The following CADPS variants were observed in gnomAD, a reference collection of about 807,000 sequenced individuals.
CADPS encodes the protein calcium dependent secretion activator.
A neutral mutation model predicts 167.3 loss-of-function variants in CADPS; 57 were observed. The ratio of observed to expected loss-of-function variants is 0.34; its 90% CI spans 0.28 to 0.42. The LOEUF is 0.42. Among genes scored for constraint, CADPS ranks in the 20% least tolerant of loss-of-function variants. The probability of loss-of-function intolerance (pLI) is 1.00; values close to 1 mark genes in which losing one functional copy is unlikely to be tolerated. For missense variants in CADPS, 1,414 were observed against 1,738.1 expected, an observed-to-expected ratio of 0.81 and a Z score of 3.32; for synonymous variants, 676 against 635.3, an observed-to-expected ratio of 1.06 and a Z score of -0.96.
intron 28 of CADPS, among the ~76,000 whole-genome samples, chr3:62,422,597 A>C (rs13319010): frequency 0.057 from 8,662 of 152,172 alleles, 376 homozygotes; most frequent in African/African-American, 0.12. Context: ...TAAATCAAGA[A>C]AGGACTTTGG....
chr3:62,713,484 T>A (rs535067565), intron 3 of CADPS, among the ~76,000 whole-genome samples: 4 of 152,340 alleles, frequency 2.6e-5, no homozygotes, highest in East Asian at 1.9e-4. Context: ...AGTGGCCAAC[T>A]TTTTCTAGAA....
At chr3:62,462,574 T>C (rs6764367) in intron 26 of CADPS, among the ~76,000 whole-genome samples, 25,571 of 152,154 alleles carry the variant, frequency 0.17, 4,042 homozygotes, top group African/African-American at 0.42. Context: ...CCTTGGCAGC[T>C]CTGCTGAGGT....
In CADPS at chr3:62,412,999, TGAG is replaced by T. The variant is rs2049269730; in HGVS notation, c.3778-9817_3778-9815del. Among the ~76,000 whole-genome samples, 1 of 152,010 alleles carries T rather than the reference TGAG, an allele frequency of 6.6e-6. No homozygotes were observed. The highest frequency in any genetic ancestry group is 6.6e-5 in the Admixed American group (1 of 15,260). ...TTTCAATATGGCGGGTGGTCATCAGTGAGGAGGTGTGATGGTCTCAGAAAGGCT... is the reference window on the plus strand; with the variant it reads ...TTTCAATATGGCGGGTGGTCATCAGTGAGGTGTGATGGTCTCAGAAAGGCT... On this transcript the variant is annotated intron_variant, in intron 28 of 29. Transcript: ENST00000383710. This position sits in a 1 kb window ranked among gnomAD's most constrained non-coding sequence, Gnocchi z 4.1.
rs147106535 is a variant in CADPS, at chr3:62,830,565, T to G, written c.441+44024A>C. ...AAGTTGAGGGGATAATGGCTACAGG[T>G]GCTAGAAGCTAAAGTAATTAGAAAC... On this transcript the variant is annotated intron_variant, in intron 1 of 29. Transcript: ENST00000383710. Among the ~76,000 whole-genome samples the G allele has an allele frequency of 5.5e-3, 835 of 152,242 alleles. 7 individuals are homozygous for G. Among genetic ancestry groups the G allele is most frequent in the African/African-American group, 0.019 (799 of 41,550 alleles).
intron 2 of CADPS, among the ~76,000 whole-genome samples, chr3:62,757,763 T>G (rs1199863658): frequency 6.6e-6 from 1 of 152,028 alleles, no homozygotes; most frequent in Non-Finnish European, 1.5e-5. Flanking sequence ...AGGAAAGAGA[T>G]TTAATGGATT....
rs549765778 is a variant in CADPS at position 62,698,387 on chromosome 3, C to A, written c.889-35993G>T. On this transcript the variant is annotated intron_variant, in intron 3 of 29. Coordinates refer to ENST00000383710, the MANE Select transcript of CADPS (RefSeq NM_003716.4). ...ATGTGTGACACAGTTCTTCTGGAAG[C>A]CCCTCTATGAGGGGTGCAGGACCCT... Among the ~76,000 whole-genome samples, 14 of 152,208 alleles carry A rather than the reference C, an allele frequency of 9.2e-5. No individual in the cohort carries two copies. In the South Asian group the frequency reaches 1.2e-3, roughly 14 times the overall value.
intron 22 of CADPS, among the ~76,000 whole-genome samples, chr3:62,481,432 T>C (rs1267497713): frequency 1.3e-5 from 2 of 152,192 alleles, no homozygotes; most frequent in Non-Finnish European, 2.9e-5. Flanking sequence ...CCTAAAGTCA[T>C]GTCACCTGCC....
At chr3:62,720,910 C>T (rs1412982080) in intron 3 of CADPS, among the ~76,000 whole-genome samples, 1 of 150,828 alleles carries the variant, frequency 6.6e-6, no homozygotes, top group African/African-American at 2.4e-5. Context: ...CTCCGCCTCC[C>T]AGGTTCACCC....
At chr3:62,762,219 A>T (rs1467242462) in intron 2 of CADPS, among the ~76,000 whole-genome samples, 1 of 152,236 alleles carries the variant, frequency 6.6e-6, no homozygotes, top group Admixed American at 6.5e-5. Context: ...ACATTCATGC[A>T]TTCAGCCAAC....
In CADPS at chr3:62,478,266, G is replaced by A. The variant is rs2061564280; in HGVS notation, c.3324C>T (p.Val1108=). The change falls in exon 23 of 30, where the codon GTC becomes GTT. Residue 1108 remains valine (V), a synonymous_variant. Coordinates refer to ENST00000383710, the MANE Select transcript of CADPS (RefSeq NM_003716.4). The surrounding 1 kb of genome is among the most constrained non-coding windows in gnomAD (Gnocchi z 5.7). Reference sequence around the variant, plus strand: ...GTCCAGCCACCTATACTTACCTTTTGACACAAGATTCGATCATGTCACTTG... The same window carrying A: ...GTCCAGCCACCTATACTTACCTTTTAACACAAGATTCGATCATGTCACTTG... ...LMASDMIESC[V]KRTRIAFEVK... 7 of 1,613,644 alleles carry A rather than the reference G, an allele frequency of 4.3e-6. No homozygotes were observed. The highest frequency in any genetic ancestry group is 5.1e-6 in the Non-Finnish European group (6 of 1,179,784).
intron 6 of CADPS, among the ~76,000 whole-genome samples, chr3:62,626,850 T>C (rs1391651070): frequency 1.3e-5 from 2 of 152,164 alleles, no homozygotes; most frequent in Non-Finnish European, 2.9e-5. Context: ...GATATGCTGA[T>C]ATGTTGTGAG....
At position 62,455,907 on chromosome 3, in the gene CADPS, G is replaced by C. The variant is rs961223506; in HGVS notation, c.3636+9460C>G. ...TTGACTTTTCCTGCAGGCTGCTTTA[G>C]CCTGAATTTGAAGGTATAATTTATG... On this transcript the variant is annotated intron_variant, in intron 26 of 29. Transcript: ENST00000383710. The surrounding 1 kb of genome is among the most constrained non-coding windows in gnomAD (Gnocchi z 4.4). Among the ~76,000 whole-genome samples the C allele has an allele frequency of 1.3e-5, 2 of 152,170 alleles. No individual in the cohort carries two copies. The highest frequency in any genetic ancestry group is 4.8e-5 in the African/African-American group (2 of 41,430).
chr3:62,755,586 C>T (rs969194642), intron 2 of CADPS, among the ~76,000 whole-genome samples: 12 of 152,026 alleles, frequency 7.9e-5, no homozygotes, highest in Non-Finnish European at 1.0e-4. Flanking sequence ...CATCACAAAG[C>T]GTTTCTGGGG....
Position 62,478,046 on chromosome 3 carries a change from A to G in CADPS, c.3329+215T>C. 3 of 522,372 alleles carry G rather than the reference A, an allele frequency of 5.7e-6. No homozygotes were observed. The highest frequency in any genetic ancestry group is 1.0e-5 in the Non-Finnish European group (3 of 293,668). 32.4% of individuals were successfully genotyped at this position (522,372 alleles called of 1,614,324 possible). A position where few individuals can be genotyped will look rare whatever the true frequency, so the allele number is the denominator to read the frequency against. ...TCTTAAAGCCAACAACCATGAAAAA[A>G]TTGGCAGCCAGATTATTTTGGGTTT... On this transcript the variant is annotated intron_variant, in intron 23 of 29. Transcript: ENST00000383710. The surrounding 1 kb of genome is among the most constrained non-coding windows in gnomAD (Gnocchi z 5.7).
At chr3:62,419,963 A>G (rs2050954078) in intron 28 of CADPS, among the ~76,000 whole-genome samples, 2 of 152,168 alleles carry the variant, frequency 1.3e-5, no homozygotes. Context: ...TTTGTGAGCC[A>G]AAGTTGAAGT....
intron 1 of CADPS, among the ~76,000 whole-genome samples, chr3:62,819,360 G>T (rs1425768529): frequency 6.6e-6 from 1 of 151,634 alleles, no homozygotes; most frequent in East Asian, 1.9e-4. Context: ...CAACATGTTG[G>T]AAGACCAAAT....
chr3:62,447,790 A>G (rs1030644375), intron 26 of CADPS, among the ~76,000 whole-genome samples: 2 of 152,210 alleles, frequency 1.3e-5, no homozygotes, highest in Non-Finnish European at 2.9e-5. Flanking sequence ...GATTTTGCAC[A>G]ATTATCATTT....
intron 3 of CADPS, among the ~76,000 whole-genome samples, chr3:62,676,959 T>C (rs1048806974): frequency 4.6e-5 from 7 of 152,124 alleles, no homozygotes; most frequent in Non-Finnish European, 8.8e-5. Flanking sequence ...AAGTCAGACA[T>C]GCACCCTAAG....
At chr3:62,785,929 A>G (rs78138042) in intron 1 of CADPS, among the ~76,000 whole-genome samples, 7 of 146,998 alleles carry the variant, frequency 4.8e-5, no homozygotes, top group Admixed American at 2.7e-4. Context: ...AAAAAAAAAA[A>G]GGGCCAGGAA....
Sources: gnomAD v4.1 joint callset for allele counts (sites outside exome capture counted in the v4.1 genomes callset) on GRCh38, gnomAD v4.1.1 for gene constraint, Gnocchi (gnomAD v3.1) non-coding constraint, MANE v1.5 for transcripts, NCBI Gene and HGNC (gene_info 2026-07-23, HGNC 2026-07-21) for gene names.